FUT8: variants seen among roughly 807,000 people sequenced by gnomAD.
FUT8 encodes the protein fucosyltransferase 8, also known as alpha-(1,6)-fucosyltransferase.
In FUT8, 29 loss-of-function variants were observed where a neutral mutation model predicts 71.3. The observed-to-expected ratio is 0.41, with a 90% CI of 0.30 to 0.55. FUT8 has a LOEUF of 0.55. Among genes scored for constraint, FUT8 ranks in the 20% least tolerant of loss-of-function variants. FUT8 has a pLI of 0.34. For missense variants in FUT8, 544 were observed against 702.1 expected (o/e 0.77, Z 2.55); for synonymous variants, 254 against 239.3 (o/e 1.06, Z -0.57).
chr14:65,700,471 A>G (rs987319826), intron 7 of FUT8, among the ~76,000 whole-genome samples: 3 of 137,236 alleles, frequency 2.2e-5, no homozygotes, highest in Non-Finnish European at 4.5e-5. Flanking sequence ...GCTCACTGCA[A>G]GCTCCGCCTC....
intron 3 of FUT8, among the ~76,000 whole-genome samples, chr14:65,609,951 A>AT (rs1243477312): frequency 6.6e-6 from 1 of 151,138 alleles, no homozygotes; most frequent in Non-Finnish European, 1.5e-5. Flanking sequence ...TTGATACTTA[A>AT]TTTTTTTCAT....
chr14:65,417,537 C>T (rs566520277), intron 1 of FUT8, among the ~76,000 whole-genome samples: 1 of 152,180 alleles, frequency 6.6e-6, no homozygotes, highest in Non-Finnish European at 1.5e-5. Flanking sequence ...CCGTATTTGT[C>T]AATATAAGGG....
At chr14:65,475,379 T>G (rs937871112) in intron 2 of FUT8, among the ~76,000 whole-genome samples, 3 of 152,100 alleles carry the variant, frequency 2.0e-5, no homozygotes, top group Admixed American at 2.0e-4. Flanking sequence ...GAGCTAAAAT[T>G]TATTATTATA....
intron 3 of FUT8, among the ~76,000 whole-genome samples, chr14:65,580,070 T>TTTTATATATATA (rs1555372883): frequency 7.0e-6 from 1 of 142,832 alleles, no homozygotes; most frequent in African/African-American, 2.6e-5. Context: ...GTGCTATATT[T>TTTTATATATATA]TATATATATA....
At chr14:65,625,010 G>A (rs1889819959) in intron 5 of FUT8, among the ~76,000 whole-genome samples, 1 of 152,070 alleles carries the variant, frequency 6.6e-6, no homozygotes. Context: ...AGGTTGCAGT[G>A]AGCTGAGATT....
chr14:65,526,602 A>G (rs535623126), intron 2 of FUT8, among the ~76,000 whole-genome samples: 172 of 152,310 alleles, frequency 1.1e-3, no homozygotes, highest in African/African-American at 3.8e-3. Flanking sequence ...TGATCCTGTC[A>G]TTATGATGTT....
At chr14:65,620,789 C>T (rs772609552) in intron 5 of FUT8, among the ~76,000 whole-genome samples, 7 of 152,152 alleles carry the variant, frequency 4.6e-5, no homozygotes, top group Non-Finnish European at 8.8e-5. Context: ...TCTTGAATTT[C>T]GGATTTGTTT....
At chr14:65,469,219 A>G (rs1166215417) in intron 2 of FUT8, among the ~76,000 whole-genome samples, 1 of 152,146 alleles carries the variant, frequency 6.6e-6, no homozygotes, top group Non-Finnish European at 1.5e-5. Context: ...TAATTTGATA[A>G]TTCCTGGTAA....
At chr14:65,723,275 T>C (rs1353444319) in intron 8 of FUT8, among the ~76,000 whole-genome samples, 2 of 150,984 alleles carry the variant, frequency 1.3e-5, no homozygotes, top group Non-Finnish European at 2.9e-5. Flanking sequence ...GAGTGAACCA[T>C]AATCACGCCA....
intron 7 of FUT8, among the ~76,000 whole-genome samples, chr14:65,687,037 A>C (rs1204131040): frequency 6.6e-6 from 1 of 152,168 alleles, no homozygotes; most frequent in Non-Finnish European, 1.5e-5. Flanking sequence ...CTAATTTGTG[A>C]TAAGTTTGGC....
intron 3 of FUT8, among the ~76,000 whole-genome samples, chr14:65,594,883 G>A (rs571237371): frequency 1.3e-5 from 2 of 152,254 alleles, no homozygotes; most frequent in African/African-American, 4.8e-5. Context: ...GGCACAGAAT[G>A]GGGGTTGGGA....
Position 65,677,151 on chromosome 14 carries a change from T to TGTGTGTGTGTGCGCGCGC in FUT8, c.835+7672_835+7673insTGTGTGTGTGCGCGCGCG. 1.1e-3 allele frequency among the ~76,000 whole-genome samples: 118 copies of TGTGTGTGTGTGCGCGCGC among 110,724 alleles called. 1 individual carries two copies. The highest frequency in any genetic ancestry group is 5.0e-3 in the Middle Eastern group (1 of 202). 72.6% of individuals were successfully genotyped at this position (110,724 alleles called of 152,430 possible). ...GTGTGTGTGTGTGTGTGTGTGTGTG[T>TGTGTGTGTGTGCGCGCGC]GCGCGCGCGCATGCGCGCGCACGTA... On this transcript the variant is annotated intron_variant, in intron 7 of 10. Coordinates refer to ENST00000673929, the MANE Select transcript of FUT8 (RefSeq NM_001371533.1).
intron 3 of FUT8, among the ~76,000 whole-genome samples, chr14:65,611,251 A>G (rs1418059078): frequency 5.2e-5 from 3 of 58,126 alleles, no homozygotes; most frequent in South Asian, 8.6e-4. Context: ...ACACACACAC[A>G]CACACACACA....
chr14:65,453,114 G>T (rs1163150595), intron 1 of FUT8, among the ~76,000 whole-genome samples: 3 of 151,120 alleles, frequency 2.0e-5, no homozygotes, highest in South Asian at 2.1e-4. Flanking sequence ...CCTGTTGGGT[G>T]CTGGACATTT....
rs3079115 is a variant in FUT8 at position 65,629,829 on chromosome 14, TAC to T, written c.597+251_597+252del. Among the ~76,000 whole-genome samples, 6,591 of 148,034 alleles carry T rather than the reference TAC, an allele frequency of 0.045. 159 individuals carry two copies. Among genetic ancestry groups the T allele is most frequent in the Middle Eastern group, 0.12 (35 of 288 alleles). ...TAAAGGGAGCTACTTCTTACACACG[TAC>T]ACACACACACACACACACACACACA... On this transcript the variant is annotated intron_variant, in intron 6 of 10. Transcript: ENST00000673929.
chr14:65,724,075 G>T, intron 8 of FUT8, 72 bp from the exon 9 acceptor site: 1 of 1,092,746 alleles, frequency 9.2e-7, no homozygotes, highest in East Asian at 2.8e-5. Context: ...CCATAAGTAG[G>T]GGTATAAATT....
At chr14:65,499,741 G>A (rs546448006) in intron 2 of FUT8, among the ~76,000 whole-genome samples, 8 of 150,990 alleles carry the variant, frequency 5.3e-5, no homozygotes, top group Non-Finnish European at 8.8e-5. Context: ...TGAGTCCATC[G>A]AGGTCTATCC....
At chr14:65,712,792 A>T (rs1364359278) in intron 7 of FUT8, among the ~76,000 whole-genome samples, 1 of 152,154 alleles carries the variant, frequency 6.6e-6, no homozygotes, top group Non-Finnish European at 1.5e-5. Context: ...CTGTGGGTAC[A>T]TAGTAGGTAT....
At chr14:65,357,613 T>G in the FUT8 span, among the ~76,000 whole-genome samples, 1 of 152,232 alleles carries the variant, frequency 6.6e-6, no homozygotes, top group Non-Finnish European at 1.5e-5. Flanking sequence ...GCTTCCAGTT[T>G]GGAAGATGTG....
Sources: allele counts gnomAD v4.1 joint callset (sites outside exome capture counted in the v4.1 genomes callset), GRCh38; gene constraint gnomAD v4.1.1; transcripts MANE v1.5; gene names NCBI Gene and HGNC (gene_info 2026-07-23, HGNC 2026-07-21).